Variants in ZNF718 observed in about 807,000 individuals in gnomAD.
ZNF718 encodes the protein zinc finger protein 718.
Under a neutral mutation model 2.6 loss-of-function variants are expected in ZNF718, and 3 were observed. The ratio of observed to expected loss-of-function variants is 1.16; its 90% CI spans 0.53 to 3.01. The LOEUF is 3.01. ZNF718 is among the 30% of genes most tolerant of loss of function. The pLI, the probability that ZNF718 is intolerant of heterozygous loss-of-function variation, is 0.03. For missense variants in ZNF718, 468 were observed against 230.0 expected (o/e 2.03, Z -6.69); for synonymous variants, 135 against 77.9 (o/e 1.73, Z -3.86).
At chr4:167,146 A>C (rs1050097791), downstream of ZNF718, among the ~76,000 whole-genome samples, 3 of 152,266 alleles carry the variant, frequency 2.0e-5, no homozygotes, top group Non-Finnish European at 2.9e-5. Flanking sequence ...GGTTTGTCAA[A>C]GATCAGGTGG....
At chr4:147,762 G>A (rs1252130130) in intron 3 of ZNF718, among the ~76,000 whole-genome samples, 1 of 152,176 alleles carries the variant, frequency 6.6e-6, no homozygotes, top group African/African-American at 2.4e-5. Context: ...TACTTGGGAG[G>A]CTGAGGCAGG....
chr4:187,781 TGG>T (rs148434721), intron 3 of ZNF718, among the ~76,000 whole-genome samples: 6,445 of 152,174 alleles, frequency 0.042, 350 homozygotes, highest in African/African-American at 0.13. Context: ...TGTACTGTGT[TGG>T]GGGGATTTGT....
chr4:200,806 AAC>A (rs1485614748), intron 3 of ZNF718, among the ~76,000 whole-genome samples: 1 of 152,220 alleles, frequency 6.6e-6, no homozygotes, highest in Non-Finnish European at 1.5e-5. Context: ...GGCTATTAAC[AAC>A]AGTGATTATT....
In ZNF718 at chr4:161,422, AG is replaced by A; in HGVS notation, c.738del (p.Arg247GlufsTer192). ...FTRSSHLTKH[K>X]RIHTGEKPYI... ...CGGTCCTCACACCTTACTAAACATA[AG>A]AGAATTCATACTGGAGAGAAACCCT... On this transcript the variant is annotated frameshift_variant, in exon 4 of 4. Transcript: ENST00000510175. LOFTEE classifies it low-confidence loss of function (END_TRUNC). 1 of 780,564 alleles carries A rather than the reference AG, an allele frequency of 1.3e-6. No individual in the cohort carries two copies. The highest frequency in any genetic ancestry group is 1.3e-5 in the South Asian group (1 of 74,606). 48.4% of individuals were successfully genotyped at this position (780,564 alleles called of 1,614,324 possible). A position where few individuals can be genotyped will look rare whatever the true frequency, so the allele number is the denominator to read the frequency against.
intron 3 of ZNF718, among the ~76,000 whole-genome samples, chr4:146,365 G>T (rs1272557844): frequency 2.0e-5 from 3 of 152,114 alleles, no homozygotes; most frequent in South Asian, 4.1e-4. Flanking sequence ...TCTCACTTCT[G>T]TGTGGCTTGC....
chr4:196,029 C>T (rs782136587), intron 3 of ZNF718, among the ~76,000 whole-genome samples: 1 of 151,898 alleles, frequency 6.6e-6, no homozygotes, highest in Non-Finnish European at 1.5e-5. Context: ...CCCTCTCTCT[C>T]TCCCTCTCTC....
At chr4:125,790 C>T (rs554120429) in intron 1 of ZNF718, among the ~76,000 whole-genome samples, 61 of 152,330 alleles carry the variant, frequency 4.0e-4, no homozygotes, top group African/African-American at 1.4e-3. Context: ...GGCATTCGCA[C>T]GGCCACACCT....
At chr4:183,533 T>C (rs1368632202) in intron 3 of ZNF718, among the ~76,000 whole-genome samples, 1 of 152,210 alleles carries the variant, frequency 6.6e-6, no homozygotes, top group Non-Finnish European at 1.5e-5. Flanking sequence ...TCTAGTTCTG[T>C]GCAGAATGTC....
exon 4 of ZNF718, chr4:201,124 C>T (rs1423892425): frequency 1.3e-5 from 2 of 152,186 alleles, no homozygotes; most frequent in Non-Finnish European, 2.9e-5. Flanking sequence ...CAACAGCACA[C>T]TGAGAGCAAC....
At chr4:191,144 CTTT>C (rs1194078764) in intron 3 of ZNF718, among the ~76,000 whole-genome samples, 2 of 122,256 alleles carry the variant, frequency 1.6e-5, no homozygotes. Context: ...AGACATAAGT[CTTT>C]TTTTTTTTTT....
At chr4:180,682 C>T (rs1553819714) in intron 3 of ZNF718, among the ~76,000 whole-genome samples, 1 of 152,194 alleles carries the variant, frequency 6.6e-6, no homozygotes, top group African/African-American at 2.4e-5. Context: ...GCATATCCAC[C>T]TTTCTGGAAA....
chr4:161,317 C>A lies in ZNF718; in HGVS notation c.632C>A (p.Ser211Tyr). The change falls in exon 4 of 4, where the codon TCC (serine) becomes TAC (tyrosine). Residue 211 changes from serine to tyrosine, a missense_variant. Transcript: ENST00000510175. Reference sequence around the variant, plus strand: ...GAATGTGGCAAAGCCTTTAATTGGTCCTCAATTCTTACTAAACATAAGAGA... The same window carrying A: ...GAATGTGGCAAAGCCTTTAATTGGTACTCAATTCTTACTAAACATAAGAGA... Reference protein sequence around the residue: ...CEECGKAFNWSSILTKHKRIH... With the variant: ...CEECGKAFNWYSILTKHKRIH... 1 of 781,014 alleles carries A rather than the reference C, an allele frequency of 1.3e-6. No individual in the cohort carries two copies. Among genetic ancestry groups the A allele is most frequent in the Non-Finnish European group, 2.4e-6 (1 of 418,540 alleles). 48.4% of individuals were successfully genotyped at this position (781,014 alleles called of 1,614,324 possible). A position where few individuals can be genotyped will look rare whatever the true frequency, so the allele number is the denominator to read the frequency against.
chr4:145,041 A>C (rs1249468743), intron 3 of ZNF718, among the ~76,000 whole-genome samples: 1 of 151,908 alleles, frequency 6.6e-6, no homozygotes, highest in Non-Finnish European at 1.5e-5. Context: ...CGAACCACTA[A>C]TTCCCAGTGT....
intron 3 of ZNF718, among the ~76,000 whole-genome samples, chr4:160,356 T>TGA (rs1716769012): frequency 1.3e-5 from 2 of 152,198 alleles, no homozygotes; most frequent in Non-Finnish European, 2.9e-5. Flanking sequence ...TGTGCTTACC[T>TGA]GAGGCATTGC....
At chr4:155,928 A>G (rs1032123229) in intron 3 of ZNF718, among the ~76,000 whole-genome samples, 15 of 152,282 alleles carry the variant, frequency 9.9e-5, no homozygotes, top group Non-Finnish European at 1.3e-4. Flanking sequence ...TAATTGAATC[A>G]GGGCAGTGGT....
chr4:141,051 A>G (rs1401587823), intron 3 of ZNF718, among the ~76,000 whole-genome samples: 1 of 152,228 alleles, frequency 6.6e-6, no homozygotes, highest in Non-Finnish European at 1.5e-5. Context: ...AGTCTCTTCT[A>G]AAGTTGCGGA....
At chr4:158,081 A>G (rs1716658927) in intron 3 of ZNF718, among the ~76,000 whole-genome samples, 1 of 152,176 alleles carries the variant, frequency 6.6e-6, no homozygotes, top group South Asian at 2.1e-4. Context: ...CAGTAAATGA[A>G]CACTTTCATT....
At chr4:173,297 T>C (rs1390165603) in intron 3 of ZNF718, among the ~76,000 whole-genome samples, 2 of 152,186 alleles carry the variant, frequency 1.3e-5, no homozygotes, top group African/African-American at 4.8e-5. Context: ...CAGTATACTC[T>C]GATTTTATTA....
intron 3 of ZNF718, among the ~76,000 whole-genome samples, chr4:182,744 A>G (rs1210429614): frequency 1.3e-5 from 2 of 152,090 alleles, no homozygotes; most frequent in East Asian, 3.9e-4. Context: ...GCTTTTTTCT[A>G]ATGATCAGTG....
Sources: gnomAD v4.1 joint callset for allele counts (sites outside exome capture counted in the v4.1 genomes callset) on GRCh38, gnomAD v4.1.1 for gene constraint, MANE v1.5 for transcripts, NCBI Gene and HGNC (gene_info 2026-07-23, HGNC 2026-07-21) for gene names.